Variants in TMEM117 observed in about 807,000 individuals in gnomAD.
The protein encoded by TMEM117 is transmembrane protein 117.
In TMEM117, 27 loss-of-function variants were observed where a neutral mutation model predicts 52.4. The ratio of observed to expected loss-of-function variants is 0.51; its 90% CI spans 0.38 to 0.71. The LOEUF (loss-of-function observed/expected upper bound fraction) is 0.71, where lower values mean the gene tolerates loss of function less well. TMEM117 is among the 30% of genes least tolerant of loss of function. The pLI is 0.00. For synonymous variants in TMEM117, 215 were observed against 206.3 expected, an observed-to-expected ratio of 1.04 and a Z score of -0.36; for missense variants, 556 against 630.5, an observed-to-expected ratio of 0.88 and a Z score of 1.26.
intron 3 of TMEM117, among the ~76,000 whole-genome samples, chr12:44,138,502 C>G (rs1222309923): frequency 2.6e-5 from 4 of 152,102 alleles, no homozygotes; most frequent in African/African-American, 9.7e-5. Flanking sequence ...TGGATGTATT[C>G]ACAGTGAGGG....
intron 3 of TMEM117, among the ~76,000 whole-genome samples, chr12:44,058,258 T>C (rs1212028208): frequency 6.6e-6 from 1 of 151,992 alleles, no homozygotes; most frequent in Admixed American, 6.6e-5. Context: ...AGGTCAAAAA[T>C]GAAAGCTTAC....
At chr12:43,985,509 A>G (rs1259272602) in intron 3 of TMEM117, among the ~76,000 whole-genome samples, 2 of 152,196 alleles carry the variant, frequency 1.3e-5, no homozygotes, top group Admixed American at 6.5e-5. Context: ...AACTTTTTAC[A>G]TATTAATTAT....
chr12:43,896,611 C>T (rs1944206570), intron 2 of TMEM117, among the ~76,000 whole-genome samples: 1 of 114,604 alleles, frequency 8.7e-6, no homozygotes, highest in African/African-American at 2.6e-5. Flanking sequence ...TCTAGGTTGC[C>T]TGAAATAAAC....
In TMEM117 at chr12:44,267,197, G is replaced by A. The variant is rs139270271; in HGVS notation, c.609-32383G>A. On this transcript the variant is annotated intron_variant, in intron 5 of 7. Transcript: ENST00000266534. ...CGTCTTCTTTAATTTTTTCAACTATGTTTTGTAATTTTCCGTGTATGGGCC... is the reference window on the plus strand; with the variant it reads ...CGTCTTCTTTAATTTTTTCAACTATATTTTGTAATTTTCCGTGTATGGGCC... Among the ~76,000 whole-genome samples, 362 of 151,810 alleles carry A rather than the reference G, an allele frequency of 2.4e-3. 11 individuals carry two copies. In the East Asian group the frequency reaches 0.034, roughly 14 times the overall value.
chr12:44,100,698 T>C (rs908156770), intron 3 of TMEM117, among the ~76,000 whole-genome samples: 1 of 152,072 alleles, frequency 6.6e-6, no homozygotes, highest in Non-Finnish European at 1.5e-5. Context: ...ATAAAATTTC[T>C]AGAAATAATA....
chr12:44,005,210 T>A (rs1366253337), intron 3 of TMEM117, among the ~76,000 whole-genome samples: 1 of 152,200 alleles, frequency 6.6e-6, no homozygotes, highest in Non-Finnish European at 1.5e-5. Context: ...CCTGAAGACC[T>A]CTGTTGCAAA....
chr12:44,120,395 G>A (rs1948214155), intron 3 of TMEM117, among the ~76,000 whole-genome samples: 1 of 152,128 alleles, frequency 6.6e-6, no homozygotes, highest in Admixed American at 6.5e-5. Flanking sequence ...TATAATAATA[G>A]TATAAGGTTC....
At chr12:44,104,859 AC>A (rs1354100991) in intron 3 of TMEM117, among the ~76,000 whole-genome samples, 2 of 151,922 alleles carry the variant, frequency 1.3e-5, no homozygotes, top group African/African-American at 4.8e-5. Context: ...TTATCTTTAC[AC>A]CTCTGTAGGT....
chr12:44,062,339 AAG>A (rs1362223577), intron 3 of TMEM117, among the ~76,000 whole-genome samples: 1 of 152,226 alleles, frequency 6.6e-6, no homozygotes, highest in Non-Finnish European at 1.5e-5. Context: ...CTTTCTTTGT[AAG>A]AGGCGGTTAG....
chr12:44,037,510 A>T (rs540700011), intron 3 of TMEM117, among the ~76,000 whole-genome samples: 42 of 152,288 alleles, frequency 2.8e-4, no homozygotes, highest in African/African-American at 1.0e-3. Context: ...CCCAGGCTCC[A>T]GATAGGCTCC....
At chr12:44,204,452 A>G (rs2138378229) in intron 4 of TMEM117, among the ~76,000 whole-genome samples, 1 of 152,336 alleles carries the variant, frequency 6.6e-6, no homozygotes. Flanking sequence ...TTCTATGTTC[A>G]TGAATAGGAA....
At chr12:44,080,311 G>A (rs986107733) in intron 3 of TMEM117, among the ~76,000 whole-genome samples, 2 of 152,050 alleles carry the variant, frequency 1.3e-5, no homozygotes, top group Non-Finnish European at 1.5e-5. Context: ...TTCACATGGC[G>A]ACAGCAAGGA....
intron 3 of TMEM117, among the ~76,000 whole-genome samples, chr12:44,052,156 A>G (rs1478224664): frequency 1.3e-5 from 2 of 152,198 alleles, no homozygotes; most frequent in African/African-American, 4.8e-5. Flanking sequence ...TTTGAGGAAG[A>G]TCTTTATCTC....
intron 3 of TMEM117, among the ~76,000 whole-genome samples, chr12:44,044,435 G>T (rs1592468670): frequency 6.6e-6 from 1 of 152,212 alleles, no homozygotes; most frequent in Admixed American, 6.5e-5. Flanking sequence ...TGAACTGGGT[G>T]CTTTCTGACC....
chr12:44,088,708 A>T (rs1419802685), intron 3 of TMEM117, among the ~76,000 whole-genome samples: 2 of 152,198 alleles, frequency 1.3e-5, no homozygotes, highest in Non-Finnish European at 2.9e-5. Flanking sequence ...AGTTCTGGGA[A>T]TACACCTATC....
At chr12:44,272,559 G>A (rs1390022009) in intron 5 of TMEM117, among the ~76,000 whole-genome samples, 1 of 152,102 alleles carries the variant, frequency 6.6e-6, no homozygotes, top group Non-Finnish European at 1.5e-5. Flanking sequence ...AGTGGGCGAA[G>A]GATATGAACA....
intron 3 of TMEM117, among the ~76,000 whole-genome samples, chr12:43,978,685 C>T (rs928754865): frequency 3.3e-5 from 5 of 152,078 alleles, no homozygotes; most frequent in Non-Finnish European, 7.4e-5. Flanking sequence ...ATCTGAAGAT[C>T]TAGAGATAGG....
chr12:43,985,131 A>G (rs1432724930), intron 3 of TMEM117, among the ~76,000 whole-genome samples: 1 of 152,222 alleles, frequency 6.6e-6, no homozygotes, highest in African/African-American at 2.4e-5. Context: ...CAAAGAGGTC[A>G]AACGGTTGCT....
At chr12:44,329,546 A>G (rs754344453) in intron 6 of TMEM117, among the ~76,000 whole-genome samples, 10 of 152,084 alleles carry the variant, frequency 6.6e-5, no homozygotes, top group Admixed American at 3.9e-4. Flanking sequence ...CTTCCTTACC[A>G]TTTTAAAAAG....
Sources: allele counts gnomAD v4.1 joint callset (sites outside exome capture counted in the v4.1 genomes callset), GRCh38; gene constraint gnomAD v4.1.1; transcripts MANE v1.5; gene names NCBI Gene and HGNC (gene_info 2026-07-23, HGNC 2026-07-21).